PSD3: variants seen among roughly 807,000 people sequenced by gnomAD.
The protein encoded by PSD3 is pleckstrin and Sec7 domain containing 3.
In PSD3, 49 loss-of-function variants were observed where a neutral mutation model predicts 105.5. The ratio of observed to expected loss-of-function variants is 0.46; its 90% CI spans 0.37 to 0.59. The LOEUF (loss-of-function observed/expected upper bound fraction) is 0.59, where lower values mean the gene tolerates loss of function less well. PSD3 is among the 20% of genes least tolerant of loss of function. PSD3 has a pLI of 0.00. For missense variants in PSD3, 1,561 were observed against 1,263.8 expected (o/e 1.24, Z -3.57); for synonymous variants, 557 against 457.8 (o/e 1.22, Z -2.77).
At chr8:18,948,314 G>A (rs1586500721) in intron 1 of PSD3, among the ~76,000 whole-genome samples, 1 of 152,290 alleles carries the variant, frequency 6.6e-6, no homozygotes, top group South Asian at 2.1e-4. Flanking sequence ...ACAGACTCTG[G>A]ATTCTTAACA....
At chr8:18,894,676 C>T (rs946043194) in intron 2 of PSD3, among the ~76,000 whole-genome samples, 5 of 152,072 alleles carry the variant, frequency 3.3e-5, no homozygotes, top group East Asian at 1.9e-4. Context: ...AAGGCAAATA[C>T]AAAAGAAATC....
At chr8:19,056,613 T>C (rs1218159398) in intron 1 of PSD3, among the ~76,000 whole-genome samples, 2 of 152,236 alleles carry the variant, frequency 1.3e-5, no homozygotes, top group South Asian at 4.1e-4. Flanking sequence ...ATATTATGTC[T>C]GTGCACATTT....
At chr8:18,815,651 T>C (rs971992480) in intron 4 of PSD3, among the ~76,000 whole-genome samples, 1 of 152,186 alleles carries the variant, frequency 6.6e-6, no homozygotes, top group Non-Finnish European at 1.5e-5. Context: ...CAGTGTCCTA[T>C]AGCACAGGCG....
At chr8:19,067,728 G>A (rs563171679) in intron 1 of PSD3, among the ~76,000 whole-genome samples, 2 of 152,278 alleles carry the variant, frequency 1.3e-5, no homozygotes, top group South Asian at 4.1e-4. Context: ...GCAGGCAGGA[G>A]CTGTTCTCCA....
chr8:18,590,472 T>A (rs982172407), intron 12 of PSD3, among the ~76,000 whole-genome samples: 1 of 152,204 alleles, frequency 6.6e-6, no homozygotes, highest in Non-Finnish European at 1.5e-5. Context: ...TTCCTCTGAA[T>A]ACCCATATGT....
rs151098518 is a variant in PSD3 at position 18,754,211 on chromosome 8, C to T, written c.2172+11238G>A. On this transcript the variant is annotated intron_variant, in intron 9 of 15. Transcript: ENST00000327040. Reference sequence around the variant, plus strand: ...TCAGCCTGACCAATATGGTGAAACCCTGTCTCTACTAAAAATACAAAAATT... The same window carrying T: ...TCAGCCTGACCAATATGGTGAAACCTTGTCTCTACTAAAAATACAAAAATT... Among the ~76,000 whole-genome samples the T allele has an allele frequency of 2.4e-3, 365 of 152,240 alleles. 1 individual carries two copies. Among genetic ancestry groups the T allele is most frequent in the African/African-American group, 8.2e-3 (339 of 41,544 alleles).
In PSD3 at chr8:18,769,524, A is replaced by G. The variant is rs112824963; in HGVS notation, c.2083-3986T>C. 3.1e-3 allele frequency among the ~76,000 whole-genome samples: 476 copies of G among 152,316 alleles called. 6 individuals are homozygous for G. Among genetic ancestry groups the G allele is most frequent in the African/African-American group, 0.011 (437 of 41,578 alleles). On this transcript the variant is annotated intron_variant, in intron 8 of 15. Coordinates refer to ENST00000327040, the MANE Select transcript of PSD3 (RefSeq NM_015310.4). ...TTCACAGTATATTCTTTCGAACCAT[A>G]TAATTCAGTGATTTTTAATAAAGGT...
chr8:18,625,677 A>C (rs1806424620), intron 11 of PSD3, among the ~76,000 whole-genome samples: 1 of 152,202 alleles, frequency 6.6e-6, no homozygotes, highest in Admixed American at 6.5e-5. Context: ...ACAATATGCT[A>C]CTATTAGTTT....
intron 10 of PSD3, among the ~76,000 whole-genome samples, chr8:18,641,830 T>C (rs1585474615): frequency 6.6e-6 from 1 of 152,200 alleles, no homozygotes; most frequent in Non-Finnish European, 1.5e-5. Context: ...TGAGTTATCA[T>C]GGGGTTTCTA....
chr8:18,700,829 G>A (rs980504590), intron 9 of PSD3, among the ~76,000 whole-genome samples: 4 of 152,044 alleles, frequency 2.6e-5, no homozygotes, highest in African/African-American at 9.7e-5. Flanking sequence ...TGAACCTGAC[G>A]CAATGCCACC....
intron 8 of PSD3, among the ~76,000 whole-genome samples, chr8:18,782,169 T>A (rs1435817826): frequency 6.6e-6 from 1 of 152,160 alleles, no homozygotes; most frequent in African/African-American, 2.4e-5. Flanking sequence ...TTCATAGATT[T>A]TTTTTAATAT....
intron 1 of PSD3, among the ~76,000 whole-genome samples, chr8:18,971,543 T>C (rs1049301529): frequency 6.6e-6 from 1 of 151,794 alleles, no homozygotes; most frequent in Non-Finnish European, 1.5e-5. Context: ...TGGCCAGAGG[T>C]AGGGGAATGA....
intron 11 of PSD3, among the ~76,000 whole-genome samples, chr8:18,626,680 A>G (rs913313728): frequency 6.6e-6 from 1 of 152,114 alleles, no homozygotes; most frequent in Non-Finnish European, 1.5e-5. Context: ...CCATCTCTCA[A>G]AAGAAGAAGG....
Position 18,715,257 on chromosome 8 carries a change from C to T in PSD3, c.2172+50192G>A, listed in dbSNP as rs1277753440. Among the ~76,000 whole-genome samples, 5 of 152,100 alleles carry T rather than the reference C, an allele frequency of 3.3e-5. No individual in the cohort carries two copies. The South Asian group carries it at 8.3e-4, about 25-fold the overall frequency. ...TTACCCATGTAACAAACCTGCACAT[C>T]CTGCACATGTAAAATTAAAAGAAAA... is the stretch of plus-strand genomic sequence containing the variant. On this transcript the variant is annotated intron_variant, in intron 9 of 15. Coordinates refer to ENST00000327040, the MANE Select transcript of PSD3 (RefSeq NM_015310.4).
chr8:18,555,500 C>T (rs904580953), intron 15 of PSD3, among the ~76,000 whole-genome samples: 2 of 152,082 alleles, frequency 1.3e-5, no homozygotes, highest in East Asian at 3.8e-4. Flanking sequence ...TGCATGCTAC[C>T]TACTTTAAAA....
chr8:18,821,850 CATGCACACACATG>C (rs1812753987), intron 4 of PSD3, among the ~76,000 whole-genome samples: 1 of 116,236 alleles, frequency 8.6e-6, no homozygotes, highest in Non-Finnish European at 1.9e-5. Context: ...CCCACACACA[CATGCACACACATG>C]CACACACACC....
Position 18,781,338 on chromosome 8 carries a change from A to G in PSD3, c.2083-15800T>C, listed in dbSNP as rs538403025. On this transcript the variant is annotated intron_variant, in intron 8 of 15. Transcript: ENST00000327040. ...CATGCATATCCTTTTTCTATGGCAT[A>G]TAAGCCCTAGGTCTTGGGAGTAAAG... Among the ~76,000 whole-genome samples, 8 of 152,356 alleles carry G rather than the reference A, an allele frequency of 5.3e-5. No homozygotes were observed. In the East Asian group the frequency reaches 1.5e-3, roughly 29 times the overall value.
intron 12 of PSD3, among the ~76,000 whole-genome samples, chr8:18,575,672 AC>A (rs1200503534): frequency 1.3e-5 from 2 of 152,214 alleles, no homozygotes; most frequent in African/African-American, 4.8e-5. Flanking sequence ...GGTTAAAAGC[AC>A]AACCTTACAG....
chr8:18,961,355 TAAGAC>T (rs1823904538), intron 1 of PSD3, among the ~76,000 whole-genome samples: 1 of 152,102 alleles, frequency 6.6e-6, no homozygotes, highest in Admixed American at 6.6e-5. Flanking sequence ...TCAAGCTACT[TAAGAC>T]AAGGAGGACA....
Sources: allele counts gnomAD v4.1 joint callset (sites outside exome capture counted in the v4.1 genomes callset), GRCh38; gene constraint gnomAD v4.1.1; transcripts MANE v1.5; gene names NCBI Gene and HGNC (gene_info 2026-07-23, HGNC 2026-07-21).